SKAP1: variants seen among roughly 807,000 people sequenced by gnomAD.
The protein encoded by SKAP1 is src kinase associated phosphoprotein 1.
In SKAP1, 44 loss-of-function variants were observed where a neutral mutation model predicts 58.5. That is an observed-to-expected ratio of 0.75 (90% CI 0.59 to 0.97). The LOEUF is 0.97. SKAP1 is among the 50% of genes least tolerant of loss of function. The pLI is 0.00. For missense variants in SKAP1, 390 were observed against 435.2 expected, an observed-to-expected ratio of 0.90 and a Z score of 0.92; for synonymous variants, 127 against 149.7, an observed-to-expected ratio of 0.85 and a Z score of 1.11.
chr17:48,381,688 G>T (rs1238094603), intron 2 of SKAP1, among the ~76,000 whole-genome samples: 1 of 152,064 alleles, frequency 6.6e-6, no homozygotes, highest in Non-Finnish European at 1.5e-5. Flanking sequence ...TAAATTTCTT[G>T]GGAATATTTG....
intron 2 of SKAP1, among the ~76,000 whole-genome samples, chr17:48,380,538 C>A (rs2067201850): frequency 6.6e-6 from 1 of 152,146 alleles, no homozygotes; most frequent in Non-Finnish European, 1.5e-5. Context: ...TCTCAGGGTC[C>A]ACCCCAGACC....
At chr17:48,407,854 C>CAG (rs370450143) in intron 1 of SKAP1, among the ~76,000 whole-genome samples, 24 of 123,484 alleles carry the variant, frequency 1.9e-4, no homozygotes, top group African/African-American at 5.6e-4. Flanking sequence ...ACTTTGTCTC[C>CAG]AAAAAAAAAA....
intron 11 of SKAP1, 103 bp from the exon 12 acceptor site, chr17:48,137,440 G>C: frequency 1.3e-6 from 1 of 773,222 alleles, no homozygotes; most frequent in Non-Finnish European, 2.2e-6. Flanking sequence ...TTTCATTGTT[G>C]CCATTATCAC....
chr17:48,425,986 C>G (rs1053035181), intron 1 of SKAP1, among the ~76,000 whole-genome samples: 1 of 151,986 alleles, frequency 6.6e-6, no homozygotes, highest in African/African-American at 2.4e-5. Flanking sequence ...GACTGGTTGG[C>G]TAAAGAAGAA....
intron 11 of SKAP1, among the ~76,000 whole-genome samples, chr17:48,142,146 C>T (rs1173032563): frequency 6.6e-6 from 1 of 152,148 alleles, no homozygotes; most frequent in East Asian, 1.9e-4. Context: ...CTATATCCAG[C>T]ACAGAGTGGG....
chr17:48,202,268 G>A (rs979563158), intron 4 of SKAP1, among the ~76,000 whole-genome samples: 1 of 152,146 alleles, frequency 6.6e-6, no homozygotes, highest in Non-Finnish European at 1.5e-5. Context: ...ACTAATTATC[G>A]TGATTCTCTG....
intron 4 of SKAP1, among the ~76,000 whole-genome samples, chr17:48,241,583 G>A (rs2065244352): frequency 6.6e-6 from 1 of 152,058 alleles, no homozygotes; most frequent in African/African-American, 2.4e-5. Context: ...CATGGATCAT[G>A]CAGATAAGTC....
chr17:48,350,362 T>C (rs981721570), intron 3 of SKAP1, among the ~76,000 whole-genome samples: 1 of 152,194 alleles, frequency 6.6e-6, no homozygotes, highest in African/African-American at 2.4e-5. Flanking sequence ...AAAGACTCTA[T>C]TCATATTTGC....
intron 9 of SKAP1, among the ~76,000 whole-genome samples, chr17:48,171,595 T>C (rs2064217477): frequency 6.6e-6 from 1 of 152,180 alleles, no homozygotes; most frequent in East Asian, 1.9e-4. Flanking sequence ...GTCCATTGGA[T>C]TATTTAGATG....
At chr17:48,201,625 T>G (rs1257438433) in intron 4 of SKAP1, among the ~76,000 whole-genome samples, 1 of 152,096 alleles carries the variant, frequency 6.6e-6, no homozygotes, top group Non-Finnish European at 1.5e-5. Context: ...GGTCTCAAAC[T>G]TCTGGTCTCA....
chr17:48,222,839 G>A (rs1238753213), intron 4 of SKAP1, among the ~76,000 whole-genome samples: 1 of 151,202 alleles, frequency 6.6e-6, no homozygotes, highest in Non-Finnish European at 1.5e-5. Flanking sequence ...GCTGAGGCGG[G>A]TGGATCACGA....
chr17:48,197,040 C>T (rs570814573), intron 4 of SKAP1, among the ~76,000 whole-genome samples: 3 of 152,230 alleles, frequency 2.0e-5, no homozygotes, highest in East Asian at 1.9e-4. Context: ...GGGCAGATCA[C>T]GAGGTCGGGA....
intron 4 of SKAP1, among the ~76,000 whole-genome samples, chr17:48,304,471 A>G (rs931331154): frequency 4.6e-5 from 7 of 152,222 alleles, no homozygotes; most frequent in Admixed American, 1.3e-4. Context: ...AAGGTAGTGT[A>G]GAATTGTGTA....
At chr17:48,402,259 T>C (rs2067507450) in intron 1 of SKAP1, among the ~76,000 whole-genome samples, 1 of 151,780 alleles carries the variant, frequency 6.6e-6, no homozygotes, top group African/African-American at 2.4e-5. Flanking sequence ...CCAGAAATTA[T>C]ATTACTAGGA....
intron 4 of SKAP1, among the ~76,000 whole-genome samples, chr17:48,209,443 T>C (rs1567821835): frequency 6.6e-6 from 1 of 152,178 alleles, no homozygotes; most frequent in Non-Finnish European, 1.5e-5. Context: ...CCTAAGACAT[T>C]GTAGAATCTT....
intron 1 of SKAP1, among the ~76,000 whole-genome samples, chr17:48,425,506 A>G (rs1011546165): frequency 6.6e-6 from 1 of 152,226 alleles, no homozygotes; most frequent in African/African-American, 2.4e-5. Flanking sequence ...TAAAAAAGGA[A>G]TAGAACTATA....
chr17:48,345,855 A>G (rs1293757088), intron 4 of SKAP1, 50 bp downstream of exon 4: 2 of 1,277,348 alleles, frequency 1.6e-6, no homozygotes, highest in Non-Finnish European at 2.3e-6. Context: ...GTCAGGCCAG[A>G]AGATAATGAA....
intron 4 of SKAP1, among the ~76,000 whole-genome samples, chr17:48,338,464 T>C (rs1252191105): frequency 1.3e-5 from 2 of 152,198 alleles, no homozygotes; most frequent in Non-Finnish European, 2.9e-5. Context: ...TTACCATCTT[T>C]AAAATTTAGT....
At chr17:48,227,276 G>A (rs546669759) in intron 4 of SKAP1, among the ~76,000 whole-genome samples, 12 of 152,112 alleles carry the variant, frequency 7.9e-5, no homozygotes, top group Admixed American at 2.0e-4. Context: ...TGTTCTGTGC[G>A]CTAGTCCTAG....
Sources: allele counts gnomAD v4.1 joint callset (sites outside exome capture counted in the v4.1 genomes callset), GRCh38; gene constraint gnomAD v4.1.1; transcripts MANE v1.5; gene names NCBI Gene and HGNC (gene_info 2026-07-23, HGNC 2026-07-21).